ST6GALNAC1: variants seen among roughly 807,000 people sequenced by gnomAD.
The protein encoded by ST6GALNAC1 is ST6 N-acetylgalactosaminide alpha-2,6-sialyltransferase 1.
In ST6GALNAC1, 45 loss-of-function variants were observed where a neutral mutation model predicts 56.8. The ratio of observed to expected loss-of-function variants is 0.79; its 90% confidence interval spans 0.62 to 1.02. The LOEUF (loss-of-function observed/expected upper bound fraction) is 1.02. Among genes scored for constraint, ST6GALNAC1 ranks in the 50% least tolerant of loss-of-function variants. The pLI, the probability that ST6GALNAC1 is intolerant of heterozygous loss-of-function variation, is 0.00. For missense variants in ST6GALNAC1, 743 were observed against 754.8 expected (o/e 0.98, Z 0.18); for synonymous variants, 295 against 297.8 (o/e 0.99, Z 0.10).
downstream of ST6GALNAC1, among the ~76,000 whole-genome samples, chr17:76,624,451 T>C (rs2075769832): frequency 6.6e-6 from 1 of 152,140 alleles, no homozygotes; most frequent in South Asian, 2.1e-4. Context: ...GGTTTCACCA[T>C]GTTGGCCAGG....
the ST6GALNAC1 span, among the ~76,000 whole-genome samples, chr17:76,618,532 C>A: frequency 8.5e-5 from 13 of 152,184 alleles, no homozygotes; most frequent in African/African-American, 1.2e-4. Context: ...AATCCCAGCA[C>A]TTTGGGAGGT....
rs187426452 is a variant in ST6GALNAC1, at chr17:76,630,681, G to T, written c.132-970C>A. On this transcript the variant is annotated intron_variant, in intron 1 of 8. Transcript: ENST00000156626. Reference sequence around the variant, plus strand: ...GCTCACTGCACCCTCCATCTCCCTGGTTCAAGCAATTCCCCTGCCTCAGCC... The same window carrying T: ...GCTCACTGCACCCTCCATCTCCCTGTTTCAAGCAATTCCCCTGCCTCAGCC... Among the ~76,000 whole-genome samples, 354 of 150,892 alleles carry T rather than the reference G, an allele frequency of 2.3e-3. 3 individuals are homozygous for T. Among genetic ancestry groups the T allele is most frequent in the African/African-American group, 8.1e-3 (333 of 41,006 alleles).
At chr17:76,628,889 G>C (rs2075849719) in intron 2 of ST6GALNAC1, 123 bp downstream of exon 2, 1 of 892,040 alleles carries the variant, frequency 1.1e-6, no homozygotes, top group Admixed American at 2.4e-5. Context: ...AATGAGCTTG[G>C]GGCAGGACAA....
At chr17:76,618,974 T>A in the ST6GALNAC1 span, among the ~76,000 whole-genome samples, 1 of 152,132 alleles carries the variant, frequency 6.6e-6, no homozygotes. Flanking sequence ...CTTATGTATG[T>A]GTGTATGTAT....
intron 1 of ST6GALNAC1, chr17:76,637,615 AC>A: frequency 2.5e-6 from 1 of 398,828 alleles, no homozygotes; most frequent in Non-Finnish European, 4.4e-6. Flanking sequence ...AGCCAGGTGG[AC>A]CTGAAAGAGC....
At position 76,625,209 on chromosome 17, in the gene ST6GALNAC1, G is replaced by A; in HGVS notation, c.*121C>T. 2.0e-6 allele frequency: 2 copies of A among 1,025,464 alleles called. No individual in the cohort carries two copies. The highest frequency in any genetic ancestry group is 1.6e-5 in the African/African-American group (1 of 61,904). The allele number at this position is 1,025,464 out of a possible 1,614,324, so 63.5% of individuals were successfully genotyped here. A position where few individuals can be genotyped will look rare whatever the true frequency, so the allele number is the denominator to read the frequency against. ...TTGTCCATGGTTCAAGTGTTCCCTT[G>A]GAACTCCTGAAGGGCTTGGAGCTTA... On this transcript the variant is annotated 3_prime_UTR_variant, in exon 9 of 9. Coordinates refer to ENST00000156626, the MANE Select transcript of ST6GALNAC1 (RefSeq NM_018414.5).
the ST6GALNAC1 span, among the ~76,000 whole-genome samples, chr17:76,617,784 A>AT: frequency 6.6e-6 from 1 of 151,754 alleles, no homozygotes; most frequent in South Asian, 2.1e-4. Context: ...AAAAAAAAAA[A>AT]GAAAGAAAAA....
intron 8 of ST6GALNAC1, 80 bp from the exon 9 acceptor site, chr17:76,625,607 G>A (rs1052847941): frequency 9.8e-6 from 15 of 1,526,112 alleles, no homozygotes; most frequent in Middle Eastern, 2.3e-4. Context: ...CTGTGTTGAG[G>A]GGTGGGGGTT....
chr17:76,626,665 C>T lies in ST6GALNAC1; in HGVS notation c.1297G>A (p.Val433Met), dbSNP rs140300025. Residue 433 changes from valine to methionine, a missense_variant, in exon 5 of 9, where the codon GTG (valine) becomes ATG (methionine). Val to Met is a conservative substitution (Grantham distance 21). Transcript: ENST00000156626. ...TCTTTGCTCACCTTCCCAAGAGGCA[C>T]GTTCTTGAAACCCCGATTGCCCAAT... is the stretch of plus-strand genomic sequence containing the variant. Reference protein sequence around the residue: ...LILGNRGFKNVPLGKDVRYLH... With the variant: ...LILGNRGFKNMPLGKDVRYLH... The T allele has an allele frequency of 3.0e-4, 482 of 1,614,164 alleles. No homozygotes were observed. The highest frequency in any genetic ancestry group is 1.5e-3 in the African/African-American group (116 of 75,058).
At chr17:76,622,528 C>G (rs1241543734), downstream of ST6GALNAC1, among the ~76,000 whole-genome samples, 1 of 152,056 alleles carries the variant, frequency 6.6e-6, no homozygotes, top group Non-Finnish European at 1.5e-5. Context: ...CCATGCCCAG[C>G]TAATTTTTGT....
In ST6GALNAC1 at chr17:76,638,050, C is replaced by G. The variant is rs146139685; in HGVS notation, c.131+5458G>C. Among the ~76,000 whole-genome samples the G allele has an allele frequency of 4.7e-3, 696 of 148,796 alleles. 7 individuals carry two copies. Among genetic ancestry groups the G allele is most frequent in the African/African-American group, 0.016 (669 of 40,584 alleles). ...TTGCCATGCTGGCCAGGCTGGAGAACATAAAGTGACAACAAGAAAATGACA... is the reference window on the plus strand; with the variant it reads ...TTGCCATGCTGGCCAGGCTGGAGAAGATAAAGTGACAACAAGAAAATGACA... On this transcript the variant is annotated intron_variant, in intron 1 of 8. Transcript: ENST00000156626.
chr17:76,626,692 T>A lies in ST6GALNAC1; in HGVS notation c.1270A>T (p.Ile424Leu), dbSNP rs35948039. 6.2e-7 allele frequency: 1 copy of A among 1,613,978 alleles called. No homozygotes were observed. Among genetic ancestry groups the A allele is most frequent in the Non-Finnish European group, 8.5e-7 (1 of 1,180,018 alleles). ...TAFSLTQSLL[I>L]LGNRGFKNVP... ...TTCTTGAAACCCCGATTGCCCAATA[T>A]AAGGAGTGACTGGGTCAGGGAGAAG... The change falls in exon 5 of 9, where the codon ATA becomes TTA. Residue 424 changes from isoleucine (I) to leucine (L), a missense_variant. Coordinates refer to ENST00000156626, the MANE Select transcript of ST6GALNAC1 (RefSeq NM_018414.5).
rs1357875494 is a variant in ST6GALNAC1, at chr17:76,625,702, C to T, written c.1605+117G>A. The T allele has an allele frequency of 9.5e-6, 11 of 1,160,484 alleles. No homozygotes were observed. The East Asian group carries it at 2.8e-4, about 30-fold the overall frequency. The allele number at this position is 1,160,484 out of a possible 1,614,324, so 71.9% of individuals were successfully genotyped here. On this transcript the variant is annotated intron_variant, in intron 8 of 8. Coordinates refer to ENST00000156626, the MANE Select transcript of ST6GALNAC1 (RefSeq NM_018414.5). ...CTGCATGCACCCATACTCATGCCCA[C>T]CCTCTTTCCCAGCAGATGTGGGCAC...
intron 1 of ST6GALNAC1, among the ~76,000 whole-genome samples, chr17:76,637,270 A>G (rs1388435115): frequency 9.1e-6 from 1 of 109,794 alleles, no homozygotes; most frequent in Non-Finnish European, 1.9e-5. Context: ...ATCAATAAAT[A>G]CTAAAAAAAA....
chr17:76,642,922 C>CAAAAA (rs59053510), intron 1 of ST6GALNAC1, among the ~76,000 whole-genome samples: 1 of 87,232 alleles, frequency 1.1e-5, no homozygotes. Flanking sequence ...GACTCCGTCT[C>CAAAAA]AAAAAAAAAA....
chr17:76,631,483 GA>G (rs1463996839), intron 1 of ST6GALNAC1, among the ~76,000 whole-genome samples: 1 of 152,144 alleles, frequency 6.6e-6, no homozygotes, highest in Non-Finnish European at 1.5e-5. Context: ...TATAAGAATA[GA>G]AAGTGTTTCA....
In ST6GALNAC1 at chr17:76,629,314, A is replaced by T; in HGVS notation, c.529T>A (p.Ser177Thr). Residue 177 changes from serine to threonine, a missense_variant, in exon 2 of 9, where the codon TCC (serine) becomes ACC (threonine). Transcript: ENST00000156626. ...TGGTGCTTCTCTGACACCGTCCTGG[A>T]GGCCGTCAGCTTCCTGGTCTGGCCC... ...NGGQTRKLTA[S>T]RTVSEKHQGK... 1 of 1,614,154 alleles carries T rather than the reference A, an allele frequency of 6.2e-7. No homozygotes were observed. The highest frequency in any genetic ancestry group is 8.5e-7 in the Non-Finnish European group (1 of 1,180,026).
rs1244867254 is a variant in ST6GALNAC1 at position 76,625,333 on chromosome 17, G to C, written c.1800C>G (p.Asn600Lys). Residue 600 changes from asparagine to lysine, a missense_variant, in exon 9 of 9, where the codon AAC (asparagine) becomes AAG (lysine). Physicochemically the swap from Asn to Lys is moderately conservative, Grantham distance 94. Transcript: ENST00000156626. Reference sequence around the variant, plus strand: ...ACCATGGCAGCCCTGGCCCCGGTCAGTTCTTGGCTTTGGCAGTTCCGGGAC... The same window carrying C: ...ACCATGGCAGCCCTGGCCCCGGTCACTTCTTGGCTTTGGCAGTTCCGGGAC... ...RPGPGTAKAKN is the reference protein window; with the variant it reads ...RPGPGTAKAKK The C allele has an allele frequency of 1.9e-6, 3 of 1,612,988 alleles. No individual in the cohort carries two copies. The highest frequency in any genetic ancestry group is 2.5e-6 in the Non-Finnish European group (3 of 1,179,872).
chr17:76,623,035 C>T (rs543640063), downstream of ST6GALNAC1, among the ~76,000 whole-genome samples: 12 of 152,232 alleles, frequency 7.9e-5, no homozygotes, highest in South Asian at 6.2e-4. Context: ...CCTTGTGATC[C>T]GCCTGCCTCG....
Sources: allele counts gnomAD v4.1 joint callset (sites outside exome capture counted in the v4.1 genomes callset), GRCh38; gene constraint gnomAD v4.1.1; transcripts MANE v1.5; gene names NCBI Gene and HGNC (gene_info 2026-07-23, HGNC 2026-07-21).